Variants in TRIM9 observed in about 807,000 individuals in gnomAD.
The protein encoded by TRIM9 is tripartite motif containing 9.
In TRIM9, 26 loss-of-function variants were observed where a neutral mutation model predicts 78.3. That is an observed-to-expected ratio of 0.33 (90% confidence interval 0.24 to 0.46). The LOEUF (loss-of-function observed/expected upper bound fraction) is 0.46. TRIM9 is among the 20% of genes least tolerant of loss of function. TRIM9 has a pLI of 1.00. For synonymous variants in TRIM9, 398 were observed against 416.5 expected, an observed-to-expected ratio of 0.96 and a Z score of 0.54; for missense variants, 787 against 1,036.4, an observed-to-expected ratio of 0.76 and a Z score of 3.30.
At chr14:51,065,670 G>A (rs1252032352) in intron 1 of TRIM9, among the ~76,000 whole-genome samples, 1 of 152,212 alleles carries the variant, frequency 6.6e-6, no homozygotes, top group Non-Finnish European at 1.5e-5. Flanking sequence ...AGTGGCCATA[G>A]AGGCCTGGAG....
Position 51,027,030 on chromosome 14 carries a change from G to A in TRIM9, c.823-1670C>T, listed in dbSNP as rs556070307. Among the ~76,000 whole-genome samples, 43 of 151,930 alleles carry A rather than the reference G, an allele frequency of 2.8e-4. 1 individual carries two copies. The South Asian group carries it at 8.9e-3, about 32-fold the overall frequency. On this transcript the variant is annotated intron_variant, in intron 1 of 12. Transcript: ENST00000684578. The stretch of plus-strand genomic sequence containing the variant: ...ATCAGAGGAAGAATACTATTCTTGG[G>A]TTTTGTGGGCATTGCATAAGATACT...
At chr14:50,980,949 C>G (rs1179670391) in intron 11 of TRIM9, among the ~76,000 whole-genome samples, 1 of 151,554 alleles carries the variant, frequency 6.6e-6, no homozygotes, top group Non-Finnish European at 1.5e-5. Flanking sequence ...GTCTGACTTG[C>G]TTTCCCTTTG....
chr14:51,030,981 T>C (rs563448674), intron 1 of TRIM9, among the ~76,000 whole-genome samples: 2 of 152,030 alleles, frequency 1.3e-5, no homozygotes, highest in East Asian at 3.9e-4. Context: ...ACCTTGTCTC[T>C]ACTGAAAATA....
chr14:51,001,396 A>AT (rs1392072323), intron 5 of TRIM9, among the ~76,000 whole-genome samples: 2 of 151,492 alleles, frequency 1.3e-5, no homozygotes, highest in East Asian at 1.9e-4. Context: ...CGCCCGGCTA[A>AT]TTTTTTGTAT....
intron 1 of TRIM9, among the ~76,000 whole-genome samples, chr14:51,048,938 C>T (rs914520461): frequency 6.1e-5 from 9 of 148,734 alleles, no homozygotes; most frequent in Admixed American, 6.1e-4. Context: ...GAGCCGAGAT[C>T]GCACCACTGC....
chr14:51,010,581 A>G, intron 3 of TRIM9, 87 bp from the exon 4 acceptor site: 1 of 947,422 alleles, frequency 1.1e-6, no homozygotes, highest in South Asian at 1.4e-5. Flanking sequence ...GCTTCTTCAA[A>G]CCAGAATCCA....
At chr14:51,030,823 T>G (rs2058662291) in intron 1 of TRIM9, among the ~76,000 whole-genome samples, 1 of 152,196 alleles carries the variant, frequency 6.6e-6, no homozygotes, top group Middle Eastern at 3.4e-3. Context: ...TTTGCTCCAT[T>G]AAACTGCTGC....
At chr14:50,999,372 A>ACACACACACTCT (rs2054641691) in intron 6 of TRIM9, among the ~76,000 whole-genome samples, 3 of 152,118 alleles carry the variant, frequency 2.0e-5, no homozygotes, top group Admixed American at 2.0e-4. Flanking sequence ...CACAACACAC[A>ACACACACACTCT]CACACACACT....
intron 2 of TRIM9, 101 bp from the exon 3 acceptor site, chr14:51,023,058 C>T: frequency 3.4e-6 from 5 of 1,486,726 alleles, no homozygotes; most frequent in Non-Finnish European, 4.6e-6. Flanking sequence ...TGAAAAGGAA[C>T]TCTGTCCACA....
rs552918809 is a variant in TRIM9, at chr14:50,988,634, G to A, written c.1604-2490C>T. Reference sequence around the variant, plus strand: ...ATGACCTCCCATTACCTACCAGCTGGGCTTTTACCGTATTTTCTCTAAGTA... The same window carrying A: ...ATGACCTCCCATTACCTACCAGCTGAGCTTTTACCGTATTTTCTCTAAGTA... On this transcript the variant is annotated intron_variant, in intron 7 of 12. Transcript: ENST00000684578. 4.7e-5 allele frequency among the ~76,000 whole-genome samples: 7 copies of A among 150,102 alleles called. No individual in the cohort carries two copies. In the South Asian group the frequency reaches 1.5e-3, roughly 32 times the overall value.
intron 7 of TRIM9, chr14:50,996,078 T>C (rs1193464810): frequency 2.0e-6 from 2 of 985,084 alleles, no homozygotes; most frequent in African/African-American, 1.7e-5. Context: ...GGAGAAAGTA[T>C]GTGTGTGAAC....
chr14:51,019,840 C>T (rs541239942), intron 3 of TRIM9, among the ~76,000 whole-genome samples: 1 of 152,316 alleles, frequency 6.6e-6, no homozygotes, highest in Admixed American at 6.5e-5. Flanking sequence ...TGTCCTCTCA[C>T]CCCAGCCTCT....
chr14:51,083,611 T>C (rs2063505375), intron 1 of TRIM9, among the ~76,000 whole-genome samples: 1 of 151,778 alleles, frequency 6.6e-6, no homozygotes, highest in Non-Finnish European at 1.5e-5. Context: ...GATGCTTGCA[T>C]TCATTGGTTC....
chr14:50,982,524 A>G (rs930956669), intron 10 of TRIM9, among the ~76,000 whole-genome samples: 5 of 152,198 alleles, frequency 3.3e-5, no homozygotes, highest in Non-Finnish European at 5.9e-5. Flanking sequence ...GATAAAACAC[A>G]TGGAGTGAAA....
chr14:50,979,224 A>G lies in TRIM9; in HGVS notation c.2325+163T>C, dbSNP rs922598419. 7.5e-6 allele frequency: 11 copies of G among 1,473,024 alleles called. No homozygotes were observed. In the South Asian group the frequency reaches 9.7e-5, roughly 13 times the overall value. The allele number at this position is 1,473,024 out of a possible 1,614,324, so 91.2% of individuals were successfully genotyped here. ...GTGCTTATGCTTGGCGTGGAATAAA[A>G]TAAGTTGCCAGTGCTGATCCCTTTC... On this transcript the variant is annotated intron_variant, in intron 12 of 12. Coordinates refer to ENST00000684578, the MANE Select transcript of TRIM9 (RefSeq NM_001387360.1).
chr14:51,087,762 A>C (rs899553216), intron 1 of TRIM9, among the ~76,000 whole-genome samples: 2 of 152,262 alleles, frequency 1.3e-5, no homozygotes, highest in African/African-American at 2.4e-5. Context: ...GAGCAATATT[A>C]AAGTTTTAAG....
At chr14:51,016,270 G>A (rs911361064) in intron 3 of TRIM9, among the ~76,000 whole-genome samples, 7 of 152,190 alleles carry the variant, frequency 4.6e-5, no homozygotes, top group Non-Finnish European at 2.9e-5. Context: ...TCCGTGGCCT[G>A]TTAGAAACCG....
chr14:50,996,682 T>C (rs2054248760), intron 7 of TRIM9: 2 of 985,252 alleles, frequency 2.0e-6, no homozygotes, highest in Non-Finnish European at 2.4e-6. Flanking sequence ...TAGCAGTTAG[T>C]ATGGTATTTT....
At chr14:50,987,064 G>C (rs543307789) in intron 7 of TRIM9, among the ~76,000 whole-genome samples, 2 of 152,146 alleles carry the variant, frequency 1.3e-5, no homozygotes. Context: ...TGGATCTTTC[G>C]CCAATTGAAG....
Sources: allele counts gnomAD v4.1 joint callset (sites outside exome capture counted in the v4.1 genomes callset), GRCh38; gene constraint gnomAD v4.1.1; transcripts MANE v1.5; gene names NCBI Gene and HGNC (gene_info 2026-07-23, HGNC 2026-07-21).